The following DDX31 variants were observed in gnomAD, a reference collection of about 807,000 sequenced individuals.
DDX31 encodes DEAD-box helicase 31, also known as ATP-dependent DNA helicase DDX31.
A neutral mutation model predicts 91.3 loss-of-function variants in DDX31; 70 were observed. That is an observed-to-expected ratio of 0.77 (90% CI 0.63 to 0.94). The LOEUF (loss-of-function observed/expected upper bound fraction) is 0.94, where lower values mean the gene tolerates loss of function less well. DDX31 is among the 40% of genes least tolerant of loss of function. The pLI is 0.00. For synonymous variants in DDX31, 362 were observed against 350.6 expected, an observed-to-expected ratio of 1.03 and a Z score of -0.36; for missense variants, 902 against 925.0, an observed-to-expected ratio of 0.98 and a Z score of 0.32.
In DDX31 at chr9:132,595,161, T is replaced by C. The variant is rs1830380494; in HGVS notation, c.1995-49A>G. ...GGGAAAAGAAACTTTATTATTTTTCTTTCCCATTTGGAAAGAGGCTGATAG... is the reference window on the plus strand; with the variant it reads ...GGGAAAAGAAACTTTATTATTTTTCCTTCCCATTTGGAAAGAGGCTGATAG... On this transcript the variant is annotated intron_variant, in intron 19 of 19. Coordinates refer to ENST00000372159, the MANE Select transcript of DDX31 (RefSeq NM_022779.9). The surrounding 1 kb of genome is among the most constrained non-coding windows in gnomAD (Gnocchi z 4.6). 6.3e-7 allele frequency: 1 copy of C among 1,580,250 alleles called. No individual in the cohort carries two copies. Among genetic ancestry groups the C allele is most frequent in the East Asian group, 2.2e-5 (1 of 44,464 alleles).
At chr9:132,637,315 T>A (rs960783886) in intron 14 of DDX31, among the ~76,000 whole-genome samples, 5 of 152,190 alleles carry the variant, frequency 3.3e-5, no homozygotes, top group African/African-American at 1.2e-4. Flanking sequence ...TTTATTCCTT[T>A]AAGCTAATTC....
chr9:132,658,716 G>A lies in DDX31; in HGVS notation c.543C>T (p.Cys181=). ...QTGSGKTLAY[C]IPVVQSLQAM... is the part of the protein sequence containing the mutation. ...CTTGAAGGGACTGGACCACAGGGAT[G>A]CAATAGGCAAGAGTTTTACCTTTCA... The change falls in exon 6 of 20, where the codon TGC becomes TGT. Residue 181 remains cysteine, a synonymous_variant. Transcript: ENST00000372159. 2 of 1,613,850 alleles carry A rather than the reference G, an allele frequency of 1.2e-6. No homozygotes were observed. Among genetic ancestry groups the A allele is most frequent in the Non-Finnish European group, 1.7e-6 (2 of 1,179,904 alleles).
At chr9:132,597,521 A>G (rs758789396) in intron 19 of DDX31, among the ~76,000 whole-genome samples, 2 of 152,204 alleles carry the variant, frequency 1.3e-5, no homozygotes, top group African/African-American at 2.4e-5. Flanking sequence ...TTTCAGTCAA[A>G]ATATGCTCCC....
intron 14 of DDX31, among the ~76,000 whole-genome samples, chr9:132,634,302 C>G (rs1832966450): frequency 6.6e-6 from 1 of 152,170 alleles, no homozygotes; most frequent in Admixed American, 6.5e-5. Context: ...AGATGTAACT[C>G]CTTTACCTAG....
chr9:132,616,510 C>T (rs547926341), intron 18 of DDX31, among the ~76,000 whole-genome samples: 4 of 152,300 alleles, frequency 2.6e-5, no homozygotes, highest in East Asian at 3.9e-4. Context: ...ACACCAAAAT[C>T]GAAGGTGACA....
At position 132,647,005 on chromosome 9, in the gene DDX31, G is replaced by T; in HGVS notation, c.1021C>A (p.Leu341Met). 1 of 1,614,168 alleles carries T rather than the reference G, an allele frequency of 6.2e-7. No homozygotes were observed. The highest frequency in any genetic ancestry group is 8.5e-7 in the Non-Finnish European group (1 of 1,180,028). The change falls in exon 12 of 20, where the codon CTG becomes ATG. Residue 341 changes from leucine to methionine, a missense_variant. By Grantham distance (15) the Leu-to-Met change is conservative. Coordinates refer to ENST00000372159, the MANE Select transcript of DDX31 (RefSeq NM_022779.9). ...TTCAACTGGTCATGGCTCTTGTCCAGGACAGAAATACTGACTGGATCATGC... is the reference window on the plus strand; with the variant it reads ...TTCAACTGGTCATGGCTCTTGTCCATGACAGAAATACTGACTGGATCATGC... Reference protein sequence around the residue: ...SLHDPVSISVLDKSHDQLNPK... With the variant: ...SLHDPVSISVMDKSHDQLNPK...
chr9:132,617,031 AG>A (rs1326212877), intron 18 of DDX31, among the ~76,000 whole-genome samples: 4 of 152,172 alleles, frequency 2.6e-5, no homozygotes, highest in Non-Finnish European at 5.9e-5. Context: ...CACAGCAGCC[AG>A]GTGATCTCTT....
intron 7 of DDX31, 134 bp from the exon 8 acceptor site, chr9:132,651,250 G>T: frequency 1.4e-6 from 1 of 707,528 alleles, no homozygotes; most frequent in South Asian, 2.0e-5. Context: ...CCTATACACA[G>T]AATCTAATAT....
intron 7 of DDX31, among the ~76,000 whole-genome samples, chr9:132,651,337 A>G (rs936503068): frequency 1.3e-5 from 2 of 152,214 alleles, no homozygotes; most frequent in African/African-American, 2.4e-5. Context: ...TTTCTTGGAC[A>G]TACACAAAAA....
At chr9:132,596,617 C>G (rs1273823118) in intron 19 of DDX31, among the ~76,000 whole-genome samples, 1 of 152,194 alleles carries the variant, frequency 6.6e-6, no homozygotes, top group Non-Finnish European at 1.5e-5. Context: ...TCCTCATTTA[C>G]AGACAAGGAC....
chr9:132,637,558 G>A (rs1283512090), intron 14 of DDX31, among the ~76,000 whole-genome samples: 1 of 152,206 alleles, frequency 6.6e-6, no homozygotes, highest in Non-Finnish European at 1.5e-5. Flanking sequence ...GAGAAGGGAC[G>A]CAGCACACTC....
chr9:132,651,064 G>A lies in DDX31; in HGVS notation c.675+11C>T. 1.2e-6 allele frequency: 2 copies of A among 1,608,516 alleles called. No homozygotes were observed. The highest frequency in any genetic ancestry group is 1.7e-6 in the Non-Finnish European group (2 of 1,177,506). ...CAAGCAAGATGAAATGGAACTCATG[G>A]TTTGCCTTACCTTAAGCAGTTTCTG... On this transcript the variant is annotated intron_variant, in intron 8 of 19. Coordinates refer to ENST00000372159, the MANE Select transcript of DDX31 (RefSeq NM_022779.9).
chr9:132,614,953 C>T (rs115362166), intron 18 of DDX31, among the ~76,000 whole-genome samples: 64 of 152,254 alleles, frequency 4.2e-4, no homozygotes, highest in Admixed American at 1.8e-3. Context: ...ATTTCAAAGA[C>T]GCTGCAGTAG....
intron 16 of DDX31, among the ~76,000 whole-genome samples, chr9:132,629,456 C>T (rs1466566985): frequency 2.6e-5 from 4 of 152,194 alleles, no homozygotes; most frequent in Admixed American, 6.5e-5. Context: ...GGATGGGAGA[C>T]GGGGCAGGTG....
chr9:132,634,102 C>A lies in DDX31; in HGVS notation c.1441-2011G>T, dbSNP rs1393790993. The stretch of plus-strand genomic sequence containing the variant: ...AAATAGGCAGATGGAGAACCAATAC[C>A]ATGATAGAGGCTCACAAAACCACCA... On this transcript the variant is annotated intron_variant, in intron 14 of 19. Coordinates refer to ENST00000372159, the MANE Select transcript of DDX31 (RefSeq NM_022779.9). 2.6e-5 allele frequency among the ~76,000 whole-genome samples: 4 copies of A among 152,296 alleles called. No homozygotes were observed. The East Asian group carries it at 7.7e-4, about 29-fold the overall frequency.
At chr9:132,609,599 G>A (rs200661089) in intron 19 of DDX31, among the ~76,000 whole-genome samples, 6 of 152,134 alleles carry the variant, frequency 3.9e-5, no homozygotes, top group East Asian at 1.9e-4. Flanking sequence ...TTCAGGGATC[G>A]GAATAAACAA....
intron 14 of DDX31, among the ~76,000 whole-genome samples, chr9:132,640,953 G>T (rs928845240): frequency 1.3e-5 from 2 of 152,190 alleles, no homozygotes; most frequent in African/African-American, 4.8e-5. Context: ...GATCTCCTCA[G>T]GAGGCAAGTA....
intron 19 of DDX31, among the ~76,000 whole-genome samples, chr9:132,604,069 G>A (rs1830871523): frequency 6.6e-6 from 1 of 152,206 alleles, no homozygotes; most frequent in Non-Finnish European, 1.5e-5. Context: ...CCTGACCGTA[G>A]AAGGAAGGTA....
chr9:132,598,114 G>A (rs1208818155), intron 19 of DDX31, among the ~76,000 whole-genome samples: 1 of 152,124 alleles, frequency 6.6e-6, no homozygotes, highest in Non-Finnish European at 1.5e-5. Context: ...GGTGGGAGAA[G>A]CTCAGGCCAA....
Sources: gnomAD v4.1 joint callset for allele counts (sites outside exome capture counted in the v4.1 genomes callset) on GRCh38, gnomAD v4.1.1 for gene constraint, Gnocchi (gnomAD v3.1) non-coding constraint, MANE v1.5 for transcripts, NCBI Gene and HGNC (gene_info 2026-07-23, HGNC 2026-07-21) for gene names.